CCDC7: variants seen among roughly 807,000 people sequenced by gnomAD.
CCDC7 encodes coiled-coil domain-containing protein 7.
CCDC7 carries 183 observed loss-of-function variants against 196.9 expected under a neutral mutation model. That is an observed-to-expected ratio of 0.93 (90% CI 0.82 to 1.05). The LOEUF (loss-of-function observed/expected upper bound fraction) is 1.05, where lower values mean the gene tolerates loss of function less well. Ranked by LOEUF, CCDC7 falls within the 50% of genes least tolerant of loss-of-function variation. The probability of loss-of-function intolerance (pLI) is 0.00; values close to 1 mark genes in which losing one functional copy is unlikely to be tolerated. For synonymous variants in CCDC7, 525 were observed against 484.6 expected (o/e 1.08, Z -1.10); for missense variants, 1,540 against 1,482.2 (o/e 1.04, Z -0.64).
chr10:32,488,164 C>T (rs983017645), intron 8 of CCDC7, among the ~76,000 whole-genome samples: 3 of 152,220 alleles, frequency 2.0e-5, no homozygotes, highest in Admixed American at 1.3e-4. Flanking sequence ...CTTTATTTAC[C>T]TATTCAAGCC....
intron 24 of CCDC7, among the ~76,000 whole-genome samples, chr10:32,698,500 A>G (rs2078101519): frequency 6.6e-6 from 1 of 152,232 alleles, no homozygotes; most frequent in Admixed American, 6.5e-5. Context: ...AGCATAGAGA[A>G]GACCTTAAAT....
chr10:32,811,650 G>A (rs904452315), intron 30 of CCDC7, among the ~76,000 whole-genome samples: 11 of 152,024 alleles, frequency 7.2e-5, no homozygotes, highest in Non-Finnish European at 1.6e-4. Flanking sequence ...AACCTTTAAA[G>A]AACTAACACC....
intron 13 of CCDC7, among the ~76,000 whole-genome samples, chr10:32,545,239 A>G (rs2052223967): frequency 6.6e-6 from 1 of 152,248 alleles, no homozygotes; most frequent in African/African-American, 2.4e-5. Flanking sequence ...GAAAGAGGAC[A>G]ACAATGTAAC....
chr10:32,578,833 G>C (rs1175359314), intron 16 of CCDC7, among the ~76,000 whole-genome samples: 1 of 152,132 alleles, frequency 6.6e-6, no homozygotes, highest in East Asian at 1.9e-4. Context: ...ATGCTGTCCA[G>C]ATGATGACTG....
chr10:32,798,520 G>A (rs2084095683), intron 29 of CCDC7, among the ~76,000 whole-genome samples: 1 of 152,214 alleles, frequency 6.6e-6, no homozygotes, highest in South Asian at 2.1e-4. Flanking sequence ...CCGTTGGTGA[G>A]CACTCACTTG....
At chr10:32,850,286 G>A (rs1468409016) in intron 39 of CCDC7, among the ~76,000 whole-genome samples, 1 of 152,208 alleles carries the variant, frequency 6.6e-6, no homozygotes, top group East Asian at 1.9e-4. Context: ...TCATGAAGCA[G>A]AGTGTAGAAG....
At chr10:32,624,818 A>G (rs1212667339) in intron 18 of CCDC7, among the ~76,000 whole-genome samples, 1 of 152,054 alleles carries the variant, frequency 6.6e-6, no homozygotes, top group Admixed American at 6.6e-5. Context: ...GAAAAAGTCT[A>G]TTTTGGTCAT....
intron 18 of CCDC7, among the ~76,000 whole-genome samples, chr10:32,595,797 T>C (rs949948469): frequency 6.6e-6 from 1 of 152,264 alleles, no homozygotes; most frequent in Non-Finnish European, 1.5e-5. Flanking sequence ...CATTTTGTTA[T>C]GTACCTAGTA....
intron 28 of CCDC7, among the ~76,000 whole-genome samples, chr10:32,731,446 G>GTT (rs962883814): frequency 2.0e-5 from 3 of 150,338 alleles, no homozygotes; most frequent in African/African-American, 7.3e-5. Flanking sequence ...GTGCTTTTCA[G>GTT]TTTTTTTTTG....
intron 16 of CCDC7, among the ~76,000 whole-genome samples, chr10:32,577,668 GTGC>G (rs2058349951): frequency 2.0e-5 from 3 of 152,300 alleles, no homozygotes; most frequent in Middle Eastern, 6.8e-3. Context: ...TTTCAGGCAA[GTGC>G]CTTACTGAGT....
At chr10:32,818,356 G>C (rs576429640) in intron 31 of CCDC7, among the ~76,000 whole-genome samples, 6 of 151,460 alleles carry the variant, frequency 4.0e-5, no homozygotes, top group Non-Finnish European at 7.4e-5. Context: ...TAGAGACCTA[G>C]AAAGAGACTT....
At chr10:32,707,021 A>G (rs927401008) in intron 24 of CCDC7, among the ~76,000 whole-genome samples, 1 of 152,194 alleles carries the variant, frequency 6.6e-6, no homozygotes, top group Non-Finnish European at 1.5e-5. Context: ...CAACAAAAGA[A>G]GAGAATTTTA....
upstream of CCDC7, among the ~76,000 whole-genome samples, chr10:32,450,050 A>G (rs2032614802): frequency 6.6e-6 from 1 of 152,234 alleles, no homozygotes; most frequent in South Asian, 2.1e-4. Context: ...AGACTAAGAC[A>G]CTAGTGCTGC....
chr10:32,489,554 A>T (rs376654216), intron 8 of CCDC7, among the ~76,000 whole-genome samples: 1 of 152,168 alleles, frequency 6.6e-6, no homozygotes, highest in Non-Finnish European at 1.5e-5. Context: ...TGACTATATT[A>T]TACATGTGCA....
At chr10:32,625,974 T>G (rs1564868276) in intron 18 of CCDC7, among the ~76,000 whole-genome samples, 1 of 152,124 alleles carries the variant, frequency 6.6e-6, no homozygotes, top group Admixed American at 6.6e-5. Flanking sequence ...CATCCATTGA[T>G]AAACAGGTTG....
chr10:32,736,742 G>A (rs183935724), intron 28 of CCDC7, among the ~76,000 whole-genome samples: 5 of 152,250 alleles, frequency 3.3e-5, no homozygotes, highest in African/African-American at 1.2e-4. Context: ...TAGGAAAGCA[G>A]TTGACTTTTG....
intron 21 of CCDC7, among the ~76,000 whole-genome samples, chr10:32,668,171 G>C (rs2073236290): frequency 6.6e-6 from 1 of 152,042 alleles, no homozygotes; most frequent in South Asian, 2.1e-4. Flanking sequence ...CTCTCTGTTT[G>C]TCTGTTATTG....
At chr10:32,635,144 A>T (rs1274247448) in exon 20 of CCDC7, 1 of 398,604 alleles carries the variant, frequency 2.5e-6, no homozygotes, top group Admixed American at 4.4e-5. Context: ...GCTACCAGAA[A>T]TGAGAGTTTT....
chr10:32,880,559 T>C (rs1192435331), downstream of CCDC7, among the ~76,000 whole-genome samples: 1 of 152,210 alleles, frequency 6.6e-6, no homozygotes, highest in Non-Finnish European at 1.5e-5. Flanking sequence ...TAGATCCCAT[T>C]TGTCAATTTT....
Sources: gnomAD v4.1 joint callset for allele counts (sites outside exome capture counted in the v4.1 genomes callset) on GRCh38, gnomAD v4.1.1 for gene constraint, MANE v1.5 for transcripts, NCBI Gene and HGNC (gene_info 2026-07-23, HGNC 2026-07-21) for gene names.